Variants in C1orf21 observed in about 807,000 individuals in gnomAD.
The protein encoded by C1orf21 is uncharacterized protein C1orf21.
C1orf21 carries 3 observed loss-of-function variants against 18.7 expected under a neutral mutation model. That is an observed-to-expected ratio of 0.16 (90% confidence interval 0.07 to 0.42). The LOEUF is 0.42. Among genes scored for constraint, C1orf21 ranks in the 10% least tolerant of loss-of-function variants. The pLI is 0.99. For missense variants in C1orf21, 104 were observed against 143.6 expected (o/e 0.72, Z 1.41); for synonymous variants, 41 against 46.4 (o/e 0.88, Z 0.47).
At chr1:184,481,985 C>T (rs951466815) in intron 2 of C1orf21, among the ~76,000 whole-genome samples, 3 of 152,202 alleles carry the variant, frequency 2.0e-5, no homozygotes, top group African/African-American at 7.2e-5. Context: ...CAAAATCCCA[C>T]AATGATCACA....
At chr1:184,522,568 G>A (rs1467773095) in intron 3 of C1orf21, among the ~76,000 whole-genome samples, 1 of 152,092 alleles carries the variant, frequency 6.6e-6, no homozygotes, top group Non-Finnish European at 1.5e-5. Flanking sequence ...AAGGGATACG[G>A]GAGCCCACTG....
At chr1:184,583,165 GGTAT>G (rs1659300784) in intron 3 of C1orf21, among the ~76,000 whole-genome samples, 1 of 152,104 alleles carries the variant, frequency 6.6e-6, no homozygotes, top group Non-Finnish European at 1.5e-5. Flanking sequence ...AGATCCTCTT[GGTAT>G]TTTCACTGTC....
intron 1 of C1orf21, among the ~76,000 whole-genome samples, chr1:184,431,406 G>C (rs916324575): frequency 6.6e-6 from 1 of 152,112 alleles, no homozygotes; most frequent in Non-Finnish European, 1.5e-5. Context: ...TGGGAAATCT[G>C]GCTAGCCATA....
chr1:184,454,494 C>G (rs1029206840), intron 1 of C1orf21, among the ~76,000 whole-genome samples: 1 of 152,068 alleles, frequency 6.6e-6, no homozygotes, highest in Non-Finnish European at 1.5e-5. Context: ...TTCTGTGTCC[C>G]CACCAAATCT....
chr1:184,408,915 C>T (rs904996270), intron 1 of C1orf21, among the ~76,000 whole-genome samples: 1 of 152,172 alleles, frequency 6.6e-6, no homozygotes, highest in Non-Finnish European at 1.5e-5. Context: ...TCTCACAATG[C>T]TTCCCCCAGA....
chr1:184,613,948 A>G (rs1413990419), intron 5 of C1orf21, among the ~76,000 whole-genome samples: 2 of 152,122 alleles, frequency 1.3e-5, no homozygotes, highest in Admixed American at 6.5e-5. Flanking sequence ...TGGAGGTTGC[A>G]GTGAGCTGAG....
At position 184,574,324 on chromosome 1, in the gene C1orf21, T is replaced by C. The variant is rs534646018; in HGVS notation, c.190-16415T>C. Among the ~76,000 whole-genome samples the C allele has an allele frequency of 1.1e-4, 17 of 152,370 alleles. No individual in the cohort carries two copies. The South Asian group carries it at 3.5e-3, about 32-fold the overall frequency. ...TGATGTCAGATGCATCTGGAAAGTT[T>C]AAATTGTTTCATGAAATGTGCATAT... On this transcript the variant is annotated intron_variant, in intron 3 of 5. Coordinates refer to ENST00000235307, the MANE Select transcript of C1orf21 (RefSeq NM_030806.4).
At position 184,484,884 on chromosome 1, in the gene C1orf21, CTGTGTGTGTG is replaced by C. The variant is rs3034460; in HGVS notation, c.94+7310_94+7319del. 8.4e-4 allele frequency among the ~76,000 whole-genome samples: 123 copies of C among 146,016 alleles called. 2 individuals carry two copies. Among genetic ancestry groups the C allele is most frequent in the South Asian group, 5.8e-3 (26 of 4,466 alleles). On this transcript the variant is annotated intron_variant, in intron 2 of 5. Coordinates refer to ENST00000235307, the MANE Select transcript of C1orf21 (RefSeq NM_030806.4). ...GAGAGCATATAACAGATGCTTGTGGCTGTGTGTGTGTGTGTGTGTGTGTGTGTGTGTGTGT... is the reference window on the plus strand; with the variant it reads ...GAGAGCATATAACAGATGCTTGTGGCTGTGTGTGTGTGTGTGTGTGTGTGT...
chr1:184,504,875 T>C (rs1658030869), intron 2 of C1orf21, among the ~76,000 whole-genome samples: 1 of 152,190 alleles, frequency 6.6e-6, no homozygotes, highest in Non-Finnish European at 1.5e-5. Context: ...GTTAATGACA[T>C]GTTAAAGCCT....
intron 2 of C1orf21, among the ~76,000 whole-genome samples, chr1:184,480,112 T>A (rs1657632259): frequency 6.6e-6 from 1 of 152,142 alleles, no homozygotes; most frequent in African/African-American, 2.4e-5. Context: ...TACCTCATGA[T>A]AACAGTCAGG....
intron 2 of C1orf21, among the ~76,000 whole-genome samples, chr1:184,496,585 G>C (rs1490866403): frequency 6.6e-6 from 1 of 152,202 alleles, no homozygotes; most frequent in African/African-American, 2.4e-5. Context: ...ATTGGACCAT[G>C]TCCAGGTCAT....
intron 5 of C1orf21, among the ~76,000 whole-genome samples, chr1:184,611,197 A>G (rs1659732368): frequency 6.6e-6 from 1 of 152,222 alleles, no homozygotes; most frequent in South Asian, 2.1e-4. Flanking sequence ...GAAGTAATCC[A>G]GGGGAGGAGA....
At chr1:184,484,682 T>G (rs1401246791) in intron 2 of C1orf21, among the ~76,000 whole-genome samples, 3 of 152,242 alleles carry the variant, frequency 2.0e-5, no homozygotes, top group African/African-American at 7.2e-5. Context: ...TTAAGCCTGA[T>G]GTTTATAAAC....
intron 2 of C1orf21, among the ~76,000 whole-genome samples, chr1:184,503,100 A>G (rs1658002784): frequency 1.4e-5 from 2 of 147,926 alleles, no homozygotes; most frequent in South Asian, 4.3e-4. Flanking sequence ...AAAAAAAAAA[A>G]AAGATGTATC....
chr1:184,437,148 A>C (rs1571357067), intron 1 of C1orf21, among the ~76,000 whole-genome samples: 1 of 152,092 alleles, frequency 6.6e-6, no homozygotes, highest in Non-Finnish European at 1.5e-5. Flanking sequence ...GAATCTCACC[A>C]TGGAAGGATT....
At chr1:184,603,437 A>G (rs1659610792) in intron 5 of C1orf21, among the ~76,000 whole-genome samples, 2 of 152,224 alleles carry the variant, frequency 1.3e-5, no homozygotes, top group African/African-American at 4.8e-5. Flanking sequence ...ACATTATTCA[A>G]TGTGACATTT....
At chr1:184,420,571 A>G (rs890430708) in intron 1 of C1orf21, among the ~76,000 whole-genome samples, 1 of 152,148 alleles carries the variant, frequency 6.6e-6, no homozygotes, top group Non-Finnish European at 1.5e-5. Context: ...AGGAAAAAAT[A>G]AATAGTTTGG....
rs764540667 is a variant in C1orf21, at chr1:184,507,615, A to T, written c.122A>T (p.Glu41Val). 1 of 1,606,860 alleles carries T rather than the reference A, an allele frequency of 6.2e-7. No individual in the cohort carries two copies. Among genetic ancestry groups the T allele is most frequent in the Admixed American group, 1.7e-5 (1 of 57,806 alleles). Residue 41 changes from glutamate to valine, a missense_variant, in exon 3 of 6, where the codon GAG becomes GTG. Glu to Val is a moderately radical substitution (Grantham distance 121). Coordinates refer to ENST00000235307, the MANE Select transcript of C1orf21 (RefSeq NM_030806.4). ...GAGTATAGGATCAAACCAGTGGAAG[A>T]GGTCAAATACATGAAAAATGGGGCA... is the stretch of plus-strand genomic sequence containing the variant. Reference protein sequence around the residue: ...GDEYRIKPVEEVKYMKNGAEE... With the variant: ...GDEYRIKPVEVVKYMKNGAEE...
intron 1 of C1orf21, among the ~76,000 whole-genome samples, chr1:184,394,142 A>G (rs1339745586): frequency 2.0e-5 from 3 of 152,236 alleles, no homozygotes; most frequent in Non-Finnish European, 2.9e-5. Flanking sequence ...TTAGAAAACT[A>G]CTTCAAAAGT....
Sources: gnomAD v4.1 joint callset for allele counts (sites outside exome capture counted in the v4.1 genomes callset) on GRCh38, gnomAD v4.1.1 for gene constraint, MANE v1.5 for transcripts, NCBI Gene and HGNC (gene_info 2026-07-23, HGNC 2026-07-21) for gene names.